The following PTK7 variants were observed in gnomAD, a reference collection of about 807,000 sequenced individuals.
The protein encoded by PTK7 is protein tyrosine kinase 7 (inactive), also known as inactive tyrosine-protein kinase 7.
In PTK7, 39 loss-of-function variants were observed where a neutral mutation model predicts 116.6. That is an observed-to-expected ratio of 0.33 (90% CI 0.26 to 0.44). PTK7 has a LOEUF of 0.44. PTK7 is among the 20% of genes least tolerant of loss of function. The pLI is 1.00. For synonymous variants in PTK7, 546 were observed against 563.6 expected, an observed-to-expected ratio of 0.97 and a Z score of 0.44; for missense variants, 1,169 against 1,425.6, an observed-to-expected ratio of 0.82 and a Z score of 2.90.
chr6:43,095,825 T>C (rs1171721359), intron 1 of PTK7, among the ~76,000 whole-genome samples: 1 of 152,236 alleles, frequency 6.6e-6, no homozygotes, highest in South Asian at 2.1e-4. Context: ...GGAGGCCCTC[T>C]AAGATACAAT....
chr6:43,118,855 A>G (rs1217454121), intron 1 of PTK7, among the ~76,000 whole-genome samples: 3 of 144,824 alleles, frequency 2.1e-5, no homozygotes, highest in Middle Eastern at 3.6e-3. Flanking sequence ...TGCAACCTCC[A>G]CCTCCCGGGT....
Position 43,080,332 on chromosome 6 carries a change from T to A in PTK7, c.79+3765T>A, listed in dbSNP as rs575521135. ...GCACCACTGCACTCCAGCCTGGGTG[T>A]CAGAGCGAGACTCTGTCTCAAAAAA... On this transcript the variant is annotated intron_variant, in intron 1 of 19. Coordinates refer to ENST00000230419, the MANE Select transcript of PTK7 (RefSeq NM_002821.5). 5.9e-5 allele frequency among the ~76,000 whole-genome samples: 9 copies of A among 152,122 alleles called. No individual in the cohort carries two copies. The South Asian group carries it at 1.2e-3, about 21-fold the overall frequency.
At chr6:43,093,516 C>CT (rs1464702058) in intron 1 of PTK7, among the ~76,000 whole-genome samples, 2 of 152,036 alleles carry the variant, frequency 1.3e-5, no homozygotes, top group African/African-American at 2.4e-5. Context: ...ATGTCAGGAG[C>CT]TCAGAGGATG....
Position 43,141,465 on chromosome 6 carries a change from T to C in PTK7, c.1619-203T>C, listed in dbSNP as rs1770401901. On this transcript the variant is annotated intron_variant, in intron 10 of 19. Coordinates refer to ENST00000230419, the MANE Select transcript of PTK7 (RefSeq NM_002821.5). This position sits in a 1 kb window ranked among gnomAD's most constrained non-coding sequence, Gnocchi z 4.9. ...AGACGTGGAATGTCACACAGGGCAG[T>C]AGGAGGAAGAGGTGAGACTGAAGAA... is the stretch of plus-strand genomic sequence containing the variant. Among the ~76,000 whole-genome samples the C allele has an allele frequency of 6.6e-6, 1 of 151,912 alleles. No homozygotes were observed.
intron 7 of PTK7, among the ~76,000 whole-genome samples, chr6:43,135,206 G>A (rs535239530): frequency 4.6e-5 from 7 of 152,210 alleles, no homozygotes; most frequent in African/African-American, 1.7e-4. Context: ...AAGGAGGCCT[G>A]TGGCATTTGA....
intron 1 of PTK7, among the ~76,000 whole-genome samples, chr6:43,121,859 G>A (rs991072934): frequency 5.9e-5 from 9 of 152,214 alleles, no homozygotes; most frequent in African/African-American, 2.2e-4. Context: ...TACAAATGTG[G>A]CCAGGCATGG....
chr6:43,130,342 A>G lies in PTK7; in HGVS notation c.583A>G (p.Ser195Gly). 1 of 1,612,908 alleles carries G rather than the reference A, an allele frequency of 6.2e-7. No individual in the cohort carries two copies. Among genetic ancestry groups the G allele is most frequent in the Non-Finnish European group, 8.5e-7 (1 of 1,179,410 alleles). The change falls in exon 4 of 20, where the codon AGT (serine) becomes GGT (glycine). Residue 195 changes from serine (S) to glycine (G), a missense_variant. Ser to Gly is a moderately conservative substitution (Grantham distance 56, BLOSUM62 0). Coordinates refer to ENST00000230419, the MANE Select transcript of PTK7 (RefSeq NM_002821.5). ...GCTCCGGCCAGCTGGTCCTGAGCAT[A>G]GTGGGCTGTATTCCTGCTGCGCCCA... Reference protein sequence around the residue: ...LTLRPAGPEHSGLYSCCAHSA... With the variant: ...LTLRPAGPEHGGLYSCCAHSA...
intron 1 of PTK7, among the ~76,000 whole-genome samples, chr6:43,112,858 A>G (rs1283617362): frequency 6.6e-6 from 1 of 151,432 alleles, no homozygotes; most frequent in Non-Finnish European, 1.5e-5. Flanking sequence ...AGATGGGGTC[A>G]TGGTCTGTCA....
intron 1 of PTK7, among the ~76,000 whole-genome samples, chr6:43,116,976 A>G (rs1345917052): frequency 5.9e-5 from 9 of 152,028 alleles, no homozygotes; most frequent in African/African-American, 2.2e-4. Context: ...GGTGCCCGAC[A>G]GTACACCTGG....
chr6:43,131,860 C>T (rs892326269), intron 5 of PTK7, 156 bp from the exon 6 acceptor site: 2 of 977,826 alleles, frequency 2.0e-6, no homozygotes, highest in East Asian at 2.6e-5. Context: ...TGCAGGCACA[C>T]ACACCAGTCT....
At chr6:43,110,889 C>T (rs907476144) in intron 1 of PTK7, among the ~76,000 whole-genome samples, 1 of 152,224 alleles carries the variant, frequency 6.6e-6, no homozygotes, top group Non-Finnish European at 1.5e-5. Context: ...TTCCAGGCCT[C>T]TGTTGGCGGG....
At chr6:43,082,723 A>G (rs1766447774) in intron 1 of PTK7, among the ~76,000 whole-genome samples, 1 of 152,168 alleles carries the variant, frequency 6.6e-6, no homozygotes, top group South Asian at 2.1e-4. Context: ...ATTGAATTAG[A>G]TTTTGTCAAG....
intron 17 of PTK7, among the ~76,000 whole-genome samples, chr6:43,153,376 G>C (rs1771242951): frequency 1.3e-5 from 2 of 151,538 alleles, no homozygotes; most frequent in East Asian, 3.9e-4. Flanking sequence ...GCCTCCCAAA[G>C]TGCTGGGATT....
chr6:43,153,702 A>G (rs2150474439), intron 17 of PTK7, among the ~76,000 whole-genome samples: 1 of 152,296 alleles, frequency 6.6e-6, no homozygotes, highest in African/African-American at 2.4e-5. Flanking sequence ...AGCAATAGCT[A>G]CTGCGCTAAA....
Position 43,076,761 on chromosome 6 carries a change from A to T in PTK7, c.79+194A>T. On this transcript the variant is annotated intron_variant, in intron 1 of 19. Transcript: ENST00000230419. This position sits in a 1 kb window ranked among gnomAD's most constrained non-coding sequence, Gnocchi z 5.7. ...CGGGAGGCTGGCGAAGCCTCCAGGGACGCGGTCAGGGTACCCCTCCCACTC... is the reference window on the plus strand; with the variant it reads ...CGGGAGGCTGGCGAAGCCTCCAGGGTCGCGGTCAGGGTACCCCTCCCACTC... 7.2e-7 allele frequency: 1 copy of T among 1,396,714 alleles called. No individual in the cohort carries two copies. The highest frequency in any genetic ancestry group is 1.6e-5 in the South Asian group (1 of 63,478). The allele number at this position is 1,396,714 out of a possible 1,614,324, so 86.5% of individuals were successfully genotyped here. A position where few individuals can be genotyped will look rare whatever the true frequency, so the allele number is the denominator to read the frequency against.
intron 1 of PTK7, among the ~76,000 whole-genome samples, chr6:43,113,211 C>T (rs1055257201): frequency 1.3e-5 from 2 of 152,044 alleles, no homozygotes; most frequent in African/African-American, 4.8e-5. Context: ...GCGAGTGGAT[C>T]GTTTGAGGCC....
intron 1 of PTK7, among the ~76,000 whole-genome samples, chr6:43,089,843 A>G (rs3805941): frequency 0.44 from 66,161 of 151,982 alleles, 14,929 homozygotes; most frequent in African/African-American, 0.56. Context: ...CTGTTATTTA[A>G]TAAACACCTG....
intron 17 of PTK7, among the ~76,000 whole-genome samples, chr6:43,156,610 A>G (rs1681674728): frequency 1.3e-5 from 2 of 152,050 alleles, no homozygotes. Flanking sequence ...CCCTATCTCA[A>G]AAAATAAAGG....
At chr6:43,092,012 G>A (rs536958401) in intron 1 of PTK7, among the ~76,000 whole-genome samples, 12 of 152,192 alleles carry the variant, frequency 7.9e-5, no homozygotes, top group African/African-American at 2.9e-4. Context: ...ACAGGCACGT[G>A]TCACTACGCC....
Sources: allele counts gnomAD v4.1 joint callset (sites outside exome capture counted in the v4.1 genomes callset), GRCh38; gene constraint gnomAD v4.1.1; non-coding constraint Gnocchi (gnomAD v3.1); transcripts MANE v1.5; gene names NCBI Gene and HGNC (gene_info 2026-07-23, HGNC 2026-07-21).